Variants in RDH13 observed in about 807,000 individuals in gnomAD.
RDH13 encodes the protein retinol dehydrogenase 13 (all-trans and 9-cis).
Under a neutral mutation model 28.3 loss-of-function variants are expected in RDH13, and 35 were observed. The ratio of observed to expected loss-of-function variants is 1.24; its 90% confidence interval spans 0.95 to 1.64. The LOEUF (loss-of-function observed/expected upper bound fraction) is 1.64. RDH13 is among the 40% of genes most tolerant of loss of function. The pLI, the probability that RDH13 is intolerant of heterozygous loss-of-function variation, is 0.00. For missense variants in RDH13, 514 were observed against 446.3 expected (o/e 1.15, Z -1.37); for synonymous variants, 229 against 198.5 (o/e 1.15, Z -1.29).
downstream of RDH13, chr19:55,039,510 T>C (rs1315757659): frequency 1.3e-5 from 2 of 152,110 alleles, no homozygotes; most frequent in African/African-American, 2.4e-5. Context: ...ATCGCACCAC[T>C]GCACTCCAGC....
chr19:55,055,436 G>A (rs1014581718), intron 3 of RDH13, among the ~76,000 whole-genome samples: 2 of 152,036 alleles, frequency 1.3e-5, no homozygotes, highest in South Asian at 4.2e-4. Context: ...TAACAGGCGT[G>A]AGCCACTGTG....
upstream of RDH13, among the ~76,000 whole-genome samples, chr19:55,065,202 C>T (rs958295053): frequency 3.3e-5 from 5 of 150,952 alleles, no homozygotes; most frequent in Admixed American, 6.8e-5. Context: ...CTGGACAACA[C>T]GGCAAAACCT....
At chr19:55,063,868 C>T (rs1238841647), upstream of RDH13, 2 of 153,002 alleles carry the variant, frequency 1.3e-5, no homozygotes, top group Non-Finnish European at 2.9e-5. Flanking sequence ...ACTTACCTGT[C>T]CATGTTTGTC....
chr19:55,051,297 G>A (rs930858451), intron 3 of RDH13, among the ~76,000 whole-genome samples: 4 of 152,240 alleles, frequency 2.6e-5, no homozygotes, highest in Non-Finnish European at 2.9e-5. Flanking sequence ...CCCACGTGCG[G>A]AGACCCAGGG....
chr19:55,056,385 G>A (rs1284010037), intron 3 of RDH13, among the ~76,000 whole-genome samples: 1 of 152,084 alleles, frequency 6.6e-6, no homozygotes, highest in Non-Finnish European at 1.5e-5. Flanking sequence ...TTGAACCCAG[G>A]AGGCAGAGGT....
At chr19:55,061,298 C>G (rs548466962) in intron 1 of RDH13, among the ~76,000 whole-genome samples, 1 of 151,900 alleles carries the variant, frequency 6.6e-6, no homozygotes, top group Admixed American at 6.6e-5. Flanking sequence ...TGGCTAATTT[C>G]TTTTGTATTT....
intron 1 of RDH13, 74 bp from the exon 2 acceptor site, chr19:55,059,349 A>C: frequency 2.1e-6 from 2 of 964,442 alleles, no homozygotes; most frequent in Non-Finnish European, 3.2e-6. Context: ...GAATGATCTC[A>C]GGCAACCTTG....
chr19:55,056,098 G>A (rs969479815), intron 3 of RDH13, among the ~76,000 whole-genome samples: 2 of 152,104 alleles, frequency 1.3e-5, no homozygotes, highest in Admixed American at 1.3e-4. Context: ...AGGTTGCAGT[G>A]AGGCAAGATC....
At chr19:55,066,504 CCTCTCT>C (rs66592163), upstream of RDH13, among the ~76,000 whole-genome samples, 2 of 142,154 alleles carry the variant, frequency 1.4e-5, no homozygotes, top group African/African-American at 2.7e-5. Context: ...TCTCTCTCTC[CCTCTCT>C]CTCACATCTC....
At chr19:55,058,453 A>G (rs1042240973) in intron 2 of RDH13, among the ~76,000 whole-genome samples, 1 of 151,658 alleles carries the variant, frequency 6.6e-6, no homozygotes, top group Non-Finnish European at 1.5e-5. Context: ...TCCATCTCTC[A>G]AATTGTTTCA....
At chr19:55,040,801 G>C (rs1399986090), downstream of RDH13, 3 of 152,210 alleles carry the variant, frequency 2.0e-5, no homozygotes, top group Non-Finnish European at 2.9e-5. Flanking sequence ...TATCCCTGCA[G>C]AATACTATGA....
chr19:55,063,049 G>GCGTCAGA lies in RDH13; in HGVS notation c.-18_-17insTCTGACG. ...GCGGCTCATGCCGGGCCGGGGACAGGCGTCAGGCGTCAGGGGTCGGCGCGG... is the reference window on the plus strand; with the variant it reads ...GCGGCTCATGCCGGGCCGGGGACAGGCGTCAGACGTCAGGCGTCAGGGGTCGGCGCGG... On this transcript the variant is annotated 5_prime_UTR_variant, in exon 1 of 7. Transcript: ENST00000415061. 1.5e-6 allele frequency: 2 copies of GCGTCAGA among 1,291,620 alleles called. No individual in the cohort carries two copies. The highest frequency in any genetic ancestry group is 1.9e-6 in the Non-Finnish European group (2 of 1,027,806). 80.0% of individuals were successfully genotyped at this position (1,291,620 alleles called of 1,614,324 possible).
At chr19:55,056,438 C>CA (rs2075635554) in intron 3 of RDH13, among the ~76,000 whole-genome samples, 1 of 151,232 alleles carries the variant, frequency 6.6e-6, no homozygotes, top group Non-Finnish European at 1.5e-5. Context: ...GCCTGGCCGA[C>CA]AGAGTGAGAC....
At chr19:55,061,791 CAAA>C (rs60108220) in intron 1 of RDH13, among the ~76,000 whole-genome samples, 3 of 133,400 alleles carry the variant, frequency 2.2e-5, no homozygotes, top group Non-Finnish European at 4.8e-5. Context: ...ACCCTGTCTC[CAAA>C]AAAAAAAAAA....
upstream of RDH13, among the ~76,000 whole-genome samples, chr19:55,066,942 C>T (rs758053764): frequency 2.9e-4 from 44 of 152,226 alleles, no homozygotes; most frequent in Non-Finnish European, 5.1e-4. Flanking sequence ...CAGCCATCAC[C>T]AAAGGGCACA....
In RDH13 at chr19:55,062,989, G is replaced by C; in HGVS notation, c.44C>G (p.Ala15Gly). ...TCACTTGAGCAGCACGGCGGCGCCT[G>C]CTACCGTGCCCAGCGCCGACAGCGG... Reference protein sequence around the residue: ...LLPLSALGTVAGAAVLLKDYV... With the variant: ...LLPLSALGTVGGAAVLLKDYV... Residue 15 changes from alanine to glycine, a missense_variant, in exon 1 of 7, where the codon GCA (alanine) becomes GGA (glycine). Transcript: ENST00000415061. 1.4e-6 allele frequency: 2 copies of C among 1,476,842 alleles called. No individual in the cohort carries two copies. Among genetic ancestry groups the C allele is most frequent in the South Asian group, 1.3e-5 (1 of 74,684 alleles). 91.5% of individuals were successfully genotyped at this position (1,476,842 alleles called of 1,614,324 possible). A position where few individuals can be genotyped will look rare whatever the true frequency, so the allele number is the denominator to read the frequency against.
intron 3 of RDH13, among the ~76,000 whole-genome samples, chr19:55,052,727 T>C (rs796679432): frequency 3.2e-4 from 48 of 150,408 alleles, no homozygotes; most frequent in African/African-American, 1.2e-3. Flanking sequence ...AGTGGCGCCA[T>C]CTCGGCTCAC....
chr19:55,047,010 T>G, intron 6 of RDH13: 1 of 529,442 alleles, frequency 1.9e-6, no homozygotes, highest in Non-Finnish European at 2.6e-6. Flanking sequence ...GTGAGTCCTA[T>G]TAAGGCCTGC....
intron 1 of RDH13, chr19:55,068,895 A>AAGGG (rs1394222871): frequency 4.1e-5 from 1 of 24,552 alleles, no homozygotes; most frequent in Non-Finnish European, 7.1e-5. Flanking sequence ...AAGGGAAAGG[A>AAGGG]AGGGAAGGAA....
Sources: allele counts gnomAD v4.1 joint callset (sites outside exome capture counted in the v4.1 genomes callset), GRCh38; gene constraint gnomAD v4.1.1; transcripts MANE v1.5; gene names NCBI Gene and HGNC (gene_info 2026-07-23, HGNC 2026-07-21).